KIFAP3: variants seen among roughly 807,000 people sequenced by gnomAD.
KIFAP3 encodes the protein kinesin-associated protein 3.
In KIFAP3, 68 loss-of-function variants were observed where a neutral mutation model predicts 106.5. That is an observed-to-expected ratio of 0.64 (90% confidence interval 0.53 to 0.78). The LOEUF (loss-of-function observed/expected upper bound fraction) is 0.78, where lower values mean the gene tolerates loss of function less well. Ranked by LOEUF, KIFAP3 falls within the 30% of genes least tolerant of loss-of-function variation. The pLI, the probability that KIFAP3 is intolerant of heterozygous loss-of-function variation, is 0.00. For missense variants in KIFAP3, 780 were observed against 941.8 expected (o/e 0.83, Z 2.25); for synonymous variants, 320 against 311.5 (o/e 1.03, Z -0.29).
At chr1:170,016,412 C>A in intron 10 of KIFAP3, 50 bp downstream of exon 10, 1 of 1,476,252 alleles carries the variant, frequency 6.8e-7, no homozygotes, top group African/African-American at 1.4e-5. Context: ...AATTTTCCAG[C>A]GATGTTGGAA....
chr1:169,997,910 A>C (rs1257451618), intron 10 of KIFAP3, among the ~76,000 whole-genome samples: 6 of 127,750 alleles, frequency 4.7e-5, no homozygotes, highest in Non-Finnish European at 1.0e-4. Context: ...AAAAAAAAAA[A>C]CTCTGCTGTT....
chr1:170,033,044 G>T (rs1335623177), intron 7 of KIFAP3, among the ~76,000 whole-genome samples: 1 of 151,580 alleles, frequency 6.6e-6, no homozygotes, highest in Non-Finnish European at 1.5e-5. Flanking sequence ...TAAATTTTGG[G>T]TACCACTGAA....
At chr1:169,966,776 TGA>T (rs1665654166) in intron 17 of KIFAP3, among the ~76,000 whole-genome samples, 1 of 151,804 alleles carries the variant, frequency 6.6e-6, no homozygotes, top group Non-Finnish European at 1.5e-5. Context: ...GAAATATTAT[TGA>T]GATATTGGAC....
intron 10 of KIFAP3, among the ~76,000 whole-genome samples, chr1:170,004,863 T>G: frequency 6.6e-6 from 1 of 151,366 alleles, no homozygotes; most frequent in Non-Finnish European, 1.5e-5. Flanking sequence ...AAATGGGATC[T>G]AATTAAACTA....
chr1:170,029,646 T>C (rs1484521945), intron 8 of KIFAP3, among the ~76,000 whole-genome samples: 1 of 150,988 alleles, frequency 6.6e-6, no homozygotes, highest in Non-Finnish European at 1.5e-5. Flanking sequence ...CAAAGTAAGC[T>C]GAAGAAAAAA....
chr1:170,060,156 G>T (rs1671062129), intron 1 of KIFAP3, among the ~76,000 whole-genome samples: 1 of 152,158 alleles, frequency 6.6e-6, no homozygotes, highest in Non-Finnish European at 1.5e-5. Flanking sequence ...AGTGTTGGAA[G>T]TTCTGGCCAG....
chr1:169,980,315 C>T (rs147515935), intron 15 of KIFAP3, among the ~76,000 whole-genome samples: 46 of 152,182 alleles, frequency 3.0e-4, no homozygotes, highest in Non-Finnish European at 6.5e-4. Context: ...ACAAGATGAA[C>T]TGAGATGAGA....
intron 16 of KIFAP3, 74 bp downstream of exon 16, chr1:169,978,011 A>AT: frequency 9.8e-7 from 1 of 1,023,964 alleles, no homozygotes; most frequent in Non-Finnish European, 1.5e-6. Context: ...TTTGCAAAAA[A>AT]AAAAACAACT....
chr1:169,998,311 G>A (rs887768908), intron 10 of KIFAP3, among the ~76,000 whole-genome samples: 3 of 151,536 alleles, frequency 2.0e-5, no homozygotes, highest in Non-Finnish European at 2.9e-5. Context: ...ATATGACAGA[G>A]GTGTTTTCCC....
At chr1:170,048,705 G>A (rs1670406809) in intron 2 of KIFAP3, among the ~76,000 whole-genome samples, 1 of 151,666 alleles carries the variant, frequency 6.6e-6, no homozygotes, top group African/African-American at 2.4e-5. Flanking sequence ...AAGCGGGGTG[G>A]CGGGGGCGTC....
At chr1:169,952,646 T>C (rs1664787714) in intron 19 of KIFAP3, among the ~76,000 whole-genome samples, 1 of 152,082 alleles carries the variant, frequency 6.6e-6, no homozygotes, top group African/African-American at 2.4e-5. Context: ...TTTGGTGATA[T>C]ATACACCTGA....
At chr1:169,968,320 T>A (rs146391672) in intron 17 of KIFAP3, among the ~76,000 whole-genome samples, 329 of 151,990 alleles carry the variant, frequency 2.2e-3, no homozygotes, top group Non-Finnish European at 3.9e-3. Flanking sequence ...CAGAGCCTGT[T>A]CACTATCAGG....
intron 11 of KIFAP3, among the ~76,000 whole-genome samples, chr1:169,988,661 C>T (rs1378596540): frequency 6.6e-6 from 1 of 151,850 alleles, no homozygotes; most frequent in Non-Finnish European, 1.5e-5. Flanking sequence ...TTTTTAATTC[C>T]TGAAGGAAAC....
At position 170,055,305 on chromosome 1, in the gene KIFAP3, AT is replaced by A; in HGVS notation, c.163del (p.Ile55SerfsTer13). On this transcript the variant is annotated frameshift_variant and splice_region_variant, in exon 2 of 20. Transcript: ENST00000361580. LOFTEE classifies it high-confidence loss of function. ...AAATGTGCACAAATAAAGAACTTAC[AT>A]TTTTTGACATTCTTTTCGTTCTCCC... is the stretch of plus-strand genomic sequence containing the variant. ...MLGERKECQK[I>X]IRLKSLNANT... The A allele has an allele frequency of 6.3e-7, 1 of 1,594,964 alleles. No homozygotes were observed. The highest frequency in any genetic ancestry group is 1.4e-5 in the African/African-American group (1 of 73,782).
chr1:170,000,439 C>T (rs962551964), intron 10 of KIFAP3, among the ~76,000 whole-genome samples: 1 of 152,062 alleles, frequency 6.6e-6, no homozygotes, highest in Non-Finnish European at 1.5e-5. Context: ...CAACGTGCTT[C>T]AAAATTTGCA....
rs984051763 is a variant in KIFAP3 at position 169,983,459 on chromosome 1, CACA to C, written c.1394-80_1394-78del. ...TTTTTTGTTTAGTTCTCAAAAAAGC[CACA>C]ACAATTTACATCTAGTAAAATGCAT... On this transcript the variant is annotated intron_variant, in intron 12 of 19. Coordinates refer to ENST00000361580, the MANE Select transcript of KIFAP3 (RefSeq NM_014970.4). 1.9e-5 allele frequency: 18 copies of C among 926,988 alleles called. No homozygotes were observed. The African/African-American group carries it at 2.7e-4, about 14-fold the overall frequency. 57.4% of individuals were successfully genotyped at this position (926,988 alleles called of 1,614,324 possible).
At chr1:169,987,793 T>C (rs962927778) in intron 11 of KIFAP3, among the ~76,000 whole-genome samples, 4 of 152,114 alleles carry the variant, frequency 2.6e-5, no homozygotes, top group East Asian at 1.9e-4. Flanking sequence ...TGTACTTTCA[T>C]TGGCCATTCT....
intron 18 of KIFAP3, among the ~76,000 whole-genome samples, chr1:169,957,337 A>G (rs1665072026): frequency 6.6e-6 from 1 of 152,192 alleles, no homozygotes; most frequent in African/African-American, 2.4e-5. Context: ...TACAGTACTC[A>G]ATTATATAAA....
chr1:169,931,719 A>G (rs935667332), intron 19 of KIFAP3, among the ~76,000 whole-genome samples: 1 of 152,198 alleles, frequency 6.6e-6, no homozygotes, highest in African/African-American at 2.4e-5. Context: ...ATAATCTGTC[A>G]TAATACCTTG....
Sources: gnomAD v4.1 joint callset for allele counts (sites outside exome capture counted in the v4.1 genomes callset) on GRCh38, gnomAD v4.1.1 for gene constraint, MANE v1.5 for transcripts, NCBI Gene and HGNC (gene_info 2026-07-23, HGNC 2026-07-21) for gene names.